The following SLC23A2 variants were observed in gnomAD, a reference collection of about 807,000 sequenced individuals.
The protein encoded by SLC23A2 is solute carrier family 23 member 2.
A neutral mutation model predicts 73.3 loss-of-function variants in SLC23A2; 36 were observed. The ratio of observed to expected loss-of-function variants is 0.49; its 90% CI spans 0.38 to 0.65. The LOEUF is 0.65. Among genes scored for constraint, SLC23A2 ranks in the 30% least tolerant of loss-of-function variants. The probability of loss-of-function intolerance (pLI) is 0.00; values close to 1 mark genes in which losing one functional copy is unlikely to be tolerated. For missense variants in SLC23A2, 507 were observed against 841.6 expected (o/e 0.60, Z 4.92); for synonymous variants, 343 against 327.3 (o/e 1.05, Z -0.52).
At chr20:4,950,771 G>A (rs76231737) in intron 2 of SLC23A2, among the ~76,000 whole-genome samples, 174 of 152,288 alleles carry the variant, frequency 1.1e-3, no homozygotes, top group African/African-American at 4.1e-3. Flanking sequence ...CCAGGCAGAA[G>A]AGGCATCGAC....
At chr20:4,961,498 G>T (rs1299040517) in intron 2 of SLC23A2, among the ~76,000 whole-genome samples, 1 of 152,150 alleles carries the variant, frequency 6.6e-6, no homozygotes, top group Non-Finnish European at 1.5e-5. Flanking sequence ...TGTGAATGCA[G>T]CCCAACACAA....
intron 2 of SLC23A2, among the ~76,000 whole-genome samples, chr20:4,964,266 A>C (rs1285449013): frequency 6.6e-6 from 1 of 152,156 alleles, no homozygotes; most frequent in Non-Finnish European, 1.5e-5. Context: ...AAGTGCTGGG[A>C]TTATAGGCGT....
intron 2 of SLC23A2, among the ~76,000 whole-genome samples, 199 bp from the exon 3 acceptor site, chr20:4,932,915 C>T (rs749532647): frequency 6.6e-5 from 10 of 152,138 alleles, no homozygotes; most frequent in Non-Finnish European, 1.5e-4. Context: ...GAATTGCCCA[C>T]TAGAGAGGGG....
At chr20:4,962,989 A>T (rs764157710) in intron 2 of SLC23A2, among the ~76,000 whole-genome samples, 15 of 152,144 alleles carry the variant, frequency 9.9e-5, no homozygotes, top group Non-Finnish European at 2.1e-4. Flanking sequence ...ACAGAGCAAG[A>T]CTATCTCAAA....
At chr20:4,975,499 G>C (rs2087630218) in intron 1 of SLC23A2, among the ~76,000 whole-genome samples, 1 of 151,810 alleles carries the variant, frequency 6.6e-6, no homozygotes, top group African/African-American at 2.4e-5. Flanking sequence ...TCCTGCCTCA[G>C]CCTCCCAAGT....
At chr20:4,956,753 C>A (rs539319346) in intron 2 of SLC23A2, among the ~76,000 whole-genome samples, 1 of 151,030 alleles carries the variant, frequency 6.6e-6, no homozygotes, top group East Asian at 1.9e-4. Context: ...CCTTAGCCAA[C>A]GGATATGGGT....
chr20:4,856,819 C>A lies in SLC23A2; in HGVS notation c.*153G>T, dbSNP rs1600067425. 3.3e-6 allele frequency: 2 copies of A among 615,036 alleles called. No homozygotes were observed. The highest frequency in any genetic ancestry group is 2.7e-5 in the East Asian group (1 of 36,810). 38.1% of individuals were successfully genotyped at this position (615,036 alleles called of 1,614,324 possible). A position where few individuals can be genotyped will look rare whatever the true frequency, so the allele number is the denominator to read the frequency against. The stretch of plus-strand genomic sequence containing the variant: ...CGAGACACCGCATCAGGCACCATCA[C>A]CCTCACAGCAGAAAAGTGATTCGCA... On this transcript the variant is annotated 3_prime_UTR_variant, in exon 17 of 17. Coordinates refer to ENST00000338244, the MANE Select transcript of SLC23A2 (RefSeq NM_005116.6). This position sits in a 1 kb window ranked among gnomAD's most constrained non-coding sequence, Gnocchi z 4.6.
At chr20:4,865,491 C>T (rs2122781790) in intron 13 of SLC23A2, among the ~76,000 whole-genome samples, 1 of 152,312 alleles carries the variant, frequency 6.6e-6, no homozygotes, top group Admixed American at 6.5e-5. Flanking sequence ...TTAAAAAGTG[C>T]TGGCAAGGTA....
Position 4,884,738 on chromosome 20 carries a change from A to G in SLC23A2, c.642+15T>C. 1 of 1,595,896 alleles carries G rather than the reference A, an allele frequency of 6.3e-7. No homozygotes were observed. On this transcript the variant is annotated intron_variant, in intron 8 of 16. Transcript: ENST00000338244. ...AACATGAAGAAGCCAAAAGCAGACA[A>G]CGCTTGTCTTTTACCTCTCGGATCC...
At chr20:4,931,068 GA>G (rs758041566) in intron 3 of SLC23A2, among the ~76,000 whole-genome samples, 3,376 of 74,928 alleles carry the variant, frequency 0.045, 44 homozygotes, top group African/African-American at 0.12. Flanking sequence ...ATTTTTTTAA[GA>G]AAAAAAAAAA....
chr20:4,926,510 C>CTTTTTTTTTTT (rs3055953), intron 3 of SLC23A2, among the ~76,000 whole-genome samples: 1 of 105,048 alleles, frequency 9.5e-6, no homozygotes, highest in African/African-American at 3.6e-5. Context: ...ATTTTTTTTG[C>CTTTTTTTTTTT]TTTTTTTTTT....
intron 3 of SLC23A2, among the ~76,000 whole-genome samples, chr20:4,930,707 T>C (rs1406121067): frequency 6.6e-6 from 1 of 152,094 alleles, no homozygotes; most frequent in Middle Eastern, 3.2e-3. Context: ...TAGTCCCAGC[T>C]ACTCGGGAGG....
intron 2 of SLC23A2, among the ~76,000 whole-genome samples, chr20:4,942,217 CT>C (rs1351220481): frequency 1.3e-5 from 2 of 151,968 alleles, no homozygotes; most frequent in African/African-American, 4.8e-5. Context: ...GAATAATGTC[CT>C]CATGTTTAAA....
intron 3 of SLC23A2, among the ~76,000 whole-genome samples, chr20:4,917,733 G>C (rs1394986854): frequency 6.6e-6 from 1 of 152,170 alleles, no homozygotes; most frequent in Non-Finnish European, 1.5e-5. Context: ...CTGTTGCCCA[G>C]CTGAGATGTA....
At chr20:4,976,645 A>C (rs183848107) in intron 1 of SLC23A2, among the ~76,000 whole-genome samples, 1 of 149,432 alleles carries the variant, frequency 6.7e-6, no homozygotes, top group Admixed American at 6.7e-5. Flanking sequence ...ATTGCACTCC[A>C]GCCTGGGGGA....
At chr20:4,972,689 G>A (rs988833292) in intron 1 of SLC23A2, among the ~76,000 whole-genome samples, 18 of 152,092 alleles carry the variant, frequency 1.2e-4, no homozygotes, top group South Asian at 4.2e-4. Flanking sequence ...GGGTTCAAGC[G>A]ATTCTCTTGC....
intron 9 of SLC23A2, among the ~76,000 whole-genome samples, chr20:4,875,760 A>T (rs1018765266): frequency 6.6e-6 from 1 of 152,184 alleles, no homozygotes; most frequent in Non-Finnish European, 1.5e-5. Flanking sequence ...GTGCCCAACA[A>T]TGCGTCTAAG....
chr20:4,955,834 C>T (rs1323892548), intron 2 of SLC23A2, among the ~76,000 whole-genome samples: 1 of 150,412 alleles, frequency 6.6e-6, no homozygotes, highest in Non-Finnish European at 1.5e-5. Context: ...TATACATGTG[C>T]GATTGAGCTT....
At chr20:4,939,297 A>G (rs2087006277) in intron 2 of SLC23A2, among the ~76,000 whole-genome samples, 1 of 152,218 alleles carries the variant, frequency 6.6e-6, no homozygotes, top group Admixed American at 6.5e-5. Context: ...GGTATAATGT[A>G]AGAGTGGTTT....
Sources: allele counts gnomAD v4.1 joint callset (sites outside exome capture counted in the v4.1 genomes callset), GRCh38; gene constraint gnomAD v4.1.1; non-coding constraint Gnocchi (gnomAD v3.1); transcripts MANE v1.5; gene names NCBI Gene and HGNC (gene_info 2026-07-23, HGNC 2026-07-21).